The following KHDRBS2 variants were observed in gnomAD, a reference collection of about 807,000 sequenced individuals.
The protein encoded by KHDRBS2 is KH domain-containing, RNA-binding, signal transduction-associated protein 2.
KHDRBS2 carries 26 observed loss-of-function variants against 44.3 expected under a neutral mutation model. That is an observed-to-expected ratio of 0.59 (90% CI 0.43 to 0.81). KHDRBS2 has a LOEUF of 0.81. Among genes scored for constraint, KHDRBS2 ranks in the 40% least tolerant of loss-of-function variants. KHDRBS2 has a pLI of 0.00. For missense variants in KHDRBS2, 476 were observed against 433.1 expected, an observed-to-expected ratio of 1.10 and a Z score of -0.88; for synonymous variants, 194 against 151.1, an observed-to-expected ratio of 1.28 and a Z score of -2.08.
In KHDRBS2 at chr6:62,120,773, T is replaced by A. The variant is rs527783866; in HGVS notation, c.219+56412A>T. 1.2e-3 allele frequency among the ~76,000 whole-genome samples: 177 copies of A among 152,270 alleles called. 1 individual carries two copies. Among genetic ancestry groups the A allele is most frequent in the Non-Finnish European group, 2.2e-3 (149 of 68,006 alleles). On this transcript the variant is annotated intron_variant, in intron 2 of 8. Coordinates refer to ENST00000281156, the MANE Select transcript of KHDRBS2 (RefSeq NM_152688.4). ...ATGGCCCTTCAATCAATTTAGGACT[T>A]GAACCAGTTTACAGACCCAGAACCC...
At chr6:61,914,719 G>A (rs1225320996) in intron 4 of KHDRBS2, among the ~76,000 whole-genome samples, 1 of 152,096 alleles carries the variant, frequency 6.6e-6, no homozygotes, top group African/African-American at 2.4e-5. Context: ...GAATATTTCA[G>A]TGTGATGTGA....
At chr6:61,757,802 C>G (rs1311105905) in intron 6 of KHDRBS2, among the ~76,000 whole-genome samples, 1 of 152,078 alleles carries the variant, frequency 6.6e-6, no homozygotes, top group African/African-American at 2.4e-5. Context: ...CTCATTGTTT[C>G]TTACTACTTA....
intron 2 of KHDRBS2, among the ~76,000 whole-genome samples, chr6:62,066,157 T>G (rs149274184): frequency 6.6e-6 from 1 of 151,764 alleles, no homozygotes; most frequent in African/African-American, 2.4e-5. Flanking sequence ...AAAACTATTA[T>G]ATTAACAAAC....
chr6:61,573,717 A>C, the KHDRBS2 span, among the ~76,000 whole-genome samples: 1 of 151,674 alleles, frequency 6.6e-6, no homozygotes, highest in Non-Finnish European at 1.5e-5. Context: ...TGAACTCAGG[A>C]GGTGGAGGTT....
At chr6:61,902,114 C>T (rs956578836) in intron 4 of KHDRBS2, among the ~76,000 whole-genome samples, 1 of 152,054 alleles carries the variant, frequency 6.6e-6, no homozygotes, top group Non-Finnish European at 1.5e-5. Flanking sequence ...CCACCATGCC[C>T]GGCTAATTTT....
intron 3 of KHDRBS2, among the ~76,000 whole-genome samples, chr6:62,038,498 T>C (rs1214418246): frequency 6.6e-6 from 1 of 152,098 alleles, no homozygotes; most frequent in Admixed American, 6.6e-5. Context: ...CTGACAAAAA[T>C]AGATTACTAT....
At chr6:61,970,942 A>G (rs762725484) in intron 4 of KHDRBS2, among the ~76,000 whole-genome samples, 2 of 152,156 alleles carry the variant, frequency 1.3e-5, no homozygotes, top group Non-Finnish European at 2.9e-5. Context: ...TGAAATGGCA[A>G]TTATAAATTG....
chr6:61,833,349 T>TTAAA (rs1562267485), intron 6 of KHDRBS2, among the ~76,000 whole-genome samples: 1 of 152,222 alleles, frequency 6.6e-6, no homozygotes, highest in East Asian at 1.9e-4. Flanking sequence ...TTGCTGTTGA[T>TTAAA]TAAATTCTAG....
At chr6:62,238,418 T>C (rs1479011714) in intron 1 of KHDRBS2, among the ~76,000 whole-genome samples, 2 of 152,164 alleles carry the variant, frequency 1.3e-5, no homozygotes, top group African/African-American at 4.8e-5. Context: ...TATTCCTTTT[T>C]TCCTTTCTTA....
chr6:61,804,645 A>C (rs1786844791), intron 6 of KHDRBS2, among the ~76,000 whole-genome samples: 1 of 152,184 alleles, frequency 6.6e-6, no homozygotes, highest in East Asian at 1.9e-4. Flanking sequence ...GAGGTTCCCA[A>C]ACCTTAATTC....
the KHDRBS2 span, among the ~76,000 whole-genome samples, chr6:61,546,144 G>A: frequency 5.9e-5 from 9 of 151,704 alleles, no homozygotes; most frequent in Admixed American, 4.6e-4. Context: ...TTTAATCTGA[G>A]GAAGTTGCCA....
intron 7 of KHDRBS2, among the ~76,000 whole-genome samples, chr6:61,697,786 G>A (rs1368206933): frequency 1.3e-5 from 2 of 151,920 alleles, no homozygotes; most frequent in African/African-American, 4.8e-5. Flanking sequence ...AACTGTCAAA[G>A]GTGTTCTTCC....
intron 2 of KHDRBS2, among the ~76,000 whole-genome samples, chr6:62,071,524 GT>G (rs1422886775): frequency 6.6e-6 from 1 of 152,098 alleles, no homozygotes; most frequent in Non-Finnish European, 1.5e-5. Flanking sequence ...TGTACAACTT[GT>G]AAGGAAGAGA....
intron 1 of KHDRBS2, among the ~76,000 whole-genome samples, chr6:62,187,710 G>A (rs1361482986): frequency 6.6e-6 from 1 of 151,944 alleles, no homozygotes; most frequent in African/African-American, 2.4e-5. Context: ...TTTTTGCGGG[G>A]GAGGGGACGT....
At chr6:61,968,096 T>C (rs1268189374) in intron 4 of KHDRBS2, among the ~76,000 whole-genome samples, 6 of 151,830 alleles carry the variant, frequency 4.0e-5, no homozygotes, top group African/African-American at 1.2e-4. Flanking sequence ...AGAATGTTAC[T>C]GTAATTTAAA....
At chr6:61,791,054 G>A (rs909671618) in intron 6 of KHDRBS2, among the ~76,000 whole-genome samples, 38 of 151,416 alleles carry the variant, frequency 2.5e-4, no homozygotes, top group African/African-American at 7.2e-4. Context: ...TTGGAATGAC[G>A]TTCCTTATAA....
Position 61,946,730 on chromosome 6 carries a change from A to C in KHDRBS2, c.483+31336T>G, listed in dbSNP as rs186265596. Among the ~76,000 whole-genome samples, 1,143 of 152,256 alleles carry C rather than the reference A, an allele frequency of 7.5e-3. 6 individuals are homozygous for C. Among genetic ancestry groups the C allele is most frequent in the Non-Finnish European group, 9.8e-3 (669 of 68,022 alleles). ...AGCTGTTAGAGCGCTAGCATTATGG[A>C]GGAGGAAGTGCCAATGGAAGTTAGT... is the stretch of plus-strand genomic sequence containing the variant. On this transcript the variant is annotated intron_variant, in intron 4 of 8. Transcript: ENST00000281156.
At chr6:61,765,278 C>T (rs977412482) in intron 6 of KHDRBS2, among the ~76,000 whole-genome samples, 5 of 151,988 alleles carry the variant, frequency 3.3e-5, no homozygotes, top group African/African-American at 1.2e-4. Context: ...AATAGGGAGA[C>T]TAGCTCAACA....
In KHDRBS2 at chr6:62,166,651, C is replaced by T. The variant is rs546485676; in HGVS notation, c.219+10534G>A. ...GCTCATAGAAAGTTTTATTTTTCTC[C>T]GAATCCCCCAAAATACAGTATTTAA... is the stretch of plus-strand genomic sequence containing the variant. On this transcript the variant is annotated intron_variant, in intron 2 of 8. Transcript: ENST00000281156. 7.6e-4 allele frequency among the ~76,000 whole-genome samples: 116 copies of T among 151,952 alleles called. 1 individual carries two copies. In the Middle Eastern group the frequency reaches 0.014, roughly 18 times the overall value.
Sources: allele counts gnomAD v4.1 joint callset (sites outside exome capture counted in the v4.1 genomes callset), GRCh38; gene constraint gnomAD v4.1.1; transcripts MANE v1.5; gene names NCBI Gene and HGNC (gene_info 2026-07-23, HGNC 2026-07-21).